Variants in EVC2 observed in about 807,000 individuals in gnomAD.
The protein encoded by EVC2 is limbin.
Under a neutral mutation model 149.3 loss-of-function variants are expected in EVC2, and 148 were observed. The ratio of observed to expected loss-of-function variants is 0.99; its 90% CI spans 0.87 to 1.14. The LOEUF (loss-of-function observed/expected upper bound fraction) is 1.14, where lower values mean the gene tolerates loss of function less well. Among genes scored for constraint, EVC2 ranks in the 50% most tolerant of loss-of-function variants. The pLI is 0.00. For missense variants in EVC2, 1,854 were observed against 1,627.3 expected (o/e 1.14, Z -2.40); for synonymous variants, 776 against 649.9 (o/e 1.19, Z -2.95).
intron 17 of EVC2, among the ~76,000 whole-genome samples, chr4:5,579,672 T>C (rs1711581999): frequency 6.6e-6 from 1 of 152,106 alleles, no homozygotes; most frequent in South Asian, 2.1e-4. Flanking sequence ...TGAAGCCTTG[T>C]CTCTACTAAA....
intron 7 of EVC2, among the ~76,000 whole-genome samples, chr4:5,680,168 C>T (rs776966048): frequency 1.3e-5 from 2 of 152,052 alleles, no homozygotes; most frequent in East Asian, 3.8e-4. Flanking sequence ...CTGCCTGAGG[C>T]TGATTTATAG....
intron 10 of EVC2, among the ~76,000 whole-genome samples, 184 bp from the exon 11 acceptor site, chr4:5,632,216 C>T (rs895811521): frequency 2.0e-5 from 3 of 152,208 alleles, no homozygotes; most frequent in African/African-American, 7.2e-5. Flanking sequence ...CACATGTGTG[C>T]ACAGGCACAT....
At chr4:5,578,354 C>A (rs1207591651) in intron 17 of EVC2, among the ~76,000 whole-genome samples, 1 of 152,224 alleles carries the variant, frequency 6.6e-6, no homozygotes, top group East Asian at 1.9e-4. Flanking sequence ...AATATGGTGC[C>A]AGATTGTATC....
Position 5,640,579 on chromosome 4 carries a change from G to A in EVC2, c.1405C>T (p.Gln469Ter). Residue 469 changes from glutamine to a stop codon, truncating the protein, a stop_gained, in exon 10 of 22, where the codon CAG becomes TAG. Transcript: ENST00000344408. LOFTEE classifies it high-confidence loss of function. The surrounding 1 kb of genome is among the most constrained non-coding windows in gnomAD (Gnocchi z 4.6). ...ATTGCCATCATCTCTCTCTGGTACT[G>A]GTTTTCCATCTTCTTTCTTGTTTCC... is the stretch of plus-strand genomic sequence containing the variant. ...DLETRKKMEN[Q>*]YQREMMAMEE... The A allele has an allele frequency of 1.2e-6, 2 of 1,614,118 alleles. No homozygotes were observed. Among genetic ancestry groups the A allele is most frequent in the Non-Finnish European group, 1.7e-6 (2 of 1,180,012 alleles).
intron 3 of EVC2, among the ~76,000 whole-genome samples, chr4:5,692,235 C>T (rs1014533792): frequency 6.6e-6 from 1 of 151,946 alleles, no homozygotes; most frequent in African/African-American, 2.4e-5. Flanking sequence ...GCTATGTTTC[C>T]CAGGCTGGCC....
downstream of EVC2, among the ~76,000 whole-genome samples, chr4:5,559,199 A>C (rs542549527): frequency 2.4e-4 from 36 of 152,198 alleles, 1 homozygote; most frequent in Middle Eastern, 3.4e-3. This position sits in a 1 kb window ranked among gnomAD's most constrained non-coding sequence, Gnocchi z 5.0. Flanking sequence ...CAGAAATAAG[A>C]CCATGTCTCA....
intron 16 of EVC2, among the ~76,000 whole-genome samples, chr4:5,610,164 C>T (rs1437731802): frequency 6.6e-6 from 1 of 152,136 alleles, no homozygotes; most frequent in Admixed American, 6.5e-5. Flanking sequence ...CTCAGTACAC[C>T]TCACTAGCAT....
intron 9 of EVC2, among the ~76,000 whole-genome samples, chr4:5,661,789 G>A (rs1718889428): frequency 6.6e-6 from 1 of 152,230 alleles, no homozygotes; most frequent in Admixed American, 6.5e-5. Flanking sequence ...TGGAGCAGAT[G>A]ACCTGAGTTT....
rs1023609380 is a variant in EVC2 at position 5,584,886 on chromosome 4, G to A, written c.2830-36C>T. 30 of 1,607,318 alleles carry A rather than the reference G, an allele frequency of 1.9e-5. 1 individual carries two copies. On this transcript the variant is annotated intron_variant, in intron 16 of 21. Transcript: ENST00000344408. Reference sequence around the variant, plus strand: ...ACAGGGATGGACCCAAACCCAGAGAGCAGTGAGTAGAGGAGGGTGGAGGAG... The same window carrying A: ...ACAGGGATGGACCCAAACCCAGAGAACAGTGAGTAGAGGAGGGTGGAGGAG...
Position 5,636,445 on chromosome 4 carries a change from G to T in EVC2, c.1470+4069C>A, listed in dbSNP as rs1215673115. ...AACACATACAGACTATTTTTTTCTT[G>T]TTGTTATTCCCTAAACAACATTCCC... On this transcript the variant is annotated intron_variant, in intron 10 of 21. Transcript: ENST00000344408. The surrounding 1 kb of genome is among the most constrained non-coding windows in gnomAD (Gnocchi z 4.6). Among the ~76,000 whole-genome samples, 14 of 151,892 alleles carry T rather than the reference G, an allele frequency of 9.2e-5. No homozygotes were observed. Among genetic ancestry groups the T allele is most frequent in the Non-Finnish European group, 1.5e-5 (1 of 67,972 alleles).
chr4:5,678,140 T>C (rs1720114851), intron 7 of EVC2, among the ~76,000 whole-genome samples: 1 of 152,222 alleles, frequency 6.6e-6, no homozygotes, highest in Non-Finnish European at 1.5e-5. Context: ...GGGTTTCCAC[T>C]ATTTTCTGGT....
rs574731078 is a variant in EVC2 at position 5,642,445 on chromosome 4, T to C, written c.1146-1607A>G. Among the ~76,000 whole-genome samples, 22 of 152,350 alleles carry C rather than the reference T, an allele frequency of 1.4e-4. No individual in the cohort carries two copies. In the South Asian group the frequency reaches 3.7e-3, roughly 26 times the overall value. ...TATTTAACAACTAAATGCTTCTTTA[T>C]AAGGGTTGCAAAATATTTTATCATG... On this transcript the variant is annotated intron_variant, in intron 9 of 21. Coordinates refer to ENST00000344408, the MANE Select transcript of EVC2 (RefSeq NM_147127.5).
At chr4:5,685,117 T>C (rs903023800) in intron 6 of EVC2, among the ~76,000 whole-genome samples, 5 of 152,200 alleles carry the variant, frequency 3.3e-5, no homozygotes, top group African/African-American at 1.2e-4. Context: ...CATGTATTGA[T>C]TACCTATCCT....
chr4:5,634,169 C>T (rs1435801440), intron 10 of EVC2, among the ~76,000 whole-genome samples: 1 of 152,150 alleles, frequency 6.6e-6, no homozygotes, highest in African/African-American at 2.4e-5. Context: ...GCCTTGCCCA[C>T]CAAATAACAA....
At chr4:5,628,504 G>A in intron 12 of EVC2, 55 bp downstream of exon 12, 2 of 1,573,268 alleles carry the variant, frequency 1.3e-6, no homozygotes, top group African/African-American at 2.7e-5. Flanking sequence ...TTCTGTCATA[G>A]CAGCAGAAAA....
intron 21 of EVC2, among the ~76,000 whole-genome samples, chr4:5,545,420 T>G (rs759089221): frequency 6.6e-6 from 1 of 152,176 alleles, no homozygotes; most frequent in Non-Finnish European, 1.5e-5. Context: ...GAATTACTCA[T>G]CTGAGCCCAG....
upstream of EVC2, chr4:5,708,633 G>A: frequency 1.5e-6 from 1 of 676,120 alleles, no homozygotes; most frequent in Non-Finnish European, 2.2e-6. Flanking sequence ...AAAGTTTTCT[G>A]GAACAAACAC....
intron 21 of EVC2, among the ~76,000 whole-genome samples, chr4:5,545,014 C>T (rs1721586413): frequency 6.6e-6 from 1 of 152,210 alleles, no homozygotes; most frequent in Non-Finnish European, 1.5e-5. Context: ...TTCACTGACA[C>T]AGCCTGCTGC....
chr4:5,617,428 T>C (rs187771949), intron 15 of EVC2, among the ~76,000 whole-genome samples: 1 of 152,312 alleles, frequency 6.6e-6, no homozygotes, highest in Admixed American at 6.5e-5. Flanking sequence ...GCCCCGATGT[T>C]TTGCACACAT....
Sources: gnomAD v4.1 joint callset for allele counts (sites outside exome capture counted in the v4.1 genomes callset) on GRCh38, gnomAD v4.1.1 for gene constraint, Gnocchi (gnomAD v3.1) non-coding constraint, MANE v1.5 for transcripts, NCBI Gene and HGNC (gene_info 2026-07-23, HGNC 2026-07-21) for gene names.